The following OTOP3 variants were observed in gnomAD, a reference collection of about 807,000 sequenced individuals.
The protein encoded by OTOP3 is proton channel OTOP3.
In OTOP3, 41 loss-of-function variants were observed where a neutral mutation model predicts 50.8. The ratio of observed to expected loss-of-function variants is 0.81; its 90% CI spans 0.63 to 1.05. The LOEUF (loss-of-function observed/expected upper bound fraction) is 1.05. OTOP3 is among the 50% of genes least tolerant of loss of function. The probability of loss-of-function intolerance (pLI) is 0.00; values close to 1 mark genes in which losing one functional copy is unlikely to be tolerated. For synonymous variants in OTOP3, 320 were observed against 324.4 expected, an observed-to-expected ratio of 0.99 and a Z score of 0.14; for missense variants, 788 against 760.8, an observed-to-expected ratio of 1.04 and a Z score of -0.42.
chr17:74,946,102 C>T (rs914826114), intron 5 of OTOP3, among the ~76,000 whole-genome samples: 3 of 152,132 alleles, frequency 2.0e-5, no homozygotes, highest in Admixed American at 6.5e-5. Flanking sequence ...CTCAGCCTCC[C>T]GAGTAGCTGG....
rs753270342 is a variant in OTOP3 at position 74,942,025 on chromosome 17, C to A, written c.561C>A (p.Phe187Leu). 6.2e-7 allele frequency: 1 copy of A among 1,609,908 alleles called. No homozygotes were observed. Among genetic ancestry groups the A allele is most frequent in the Non-Finnish European group, 8.5e-7 (1 of 1,177,486 alleles). ...TCTTCTCTGTCATCGAGATGGTCTT[C>A]ATCGGCGTCCAGGTGACAGGCTTCT... ...DLVFSVIEMV[F>L]IGVQTWVLWK... is the part of the protein sequence containing the mutation. Residue 187 changes from phenylalanine to leucine, a missense_variant, in exon 3 of 7, where the codon TTC becomes TTA. Physicochemically the swap from Phe to Leu is conservative, Grantham distance 22. Coordinates refer to ENST00000328801, the MANE Select transcript of OTOP3 (RefSeq NM_001272005.2).
intron 6 of OTOP3, among the ~76,000 whole-genome samples, chr17:74,947,922 C>T (rs1000985564): frequency 2.0e-5 from 3 of 152,186 alleles, no homozygotes; most frequent in African/African-American, 7.2e-5. Flanking sequence ...CTATTGCTGT[C>T]CCTTTTCACA....
At chr17:74,937,888 G>C (rs2039134327) in intron 1 of OTOP3, among the ~76,000 whole-genome samples, 1 of 152,182 alleles carries the variant, frequency 6.6e-6, no homozygotes, top group Admixed American at 6.5e-5. Context: ...GGCTTAGGCA[G>C]AGAGGAAGGC....
At chr17:74,939,471 G>A (rs935737291) in intron 1 of OTOP3, among the ~76,000 whole-genome samples, 2 of 152,242 alleles carry the variant, frequency 1.3e-5, no homozygotes, top group Admixed American at 6.5e-5. Context: ...CTCCCCACCA[G>A]GAGAGCACCC....
chr17:74,936,965 T>TTTTTA, intron 1 of OTOP3, among the ~76,000 whole-genome samples: 1 of 134,052 alleles, frequency 7.5e-6, no homozygotes, highest in Non-Finnish European at 1.6e-5. Context: ...CCCACCCTTT[T>TTTTTA]TTTTTTTTTT....
chr17:74,937,633 T>C (rs938549973), intron 1 of OTOP3, among the ~76,000 whole-genome samples: 12 of 151,754 alleles, frequency 7.9e-5, no homozygotes, highest in Non-Finnish European at 1.6e-4. Flanking sequence ...CGGAAAGAGT[T>C]TAATGGGAAG....
chr17:74,936,028 C>A, intron 1 of OTOP3, 88 bp downstream of exon 1: 1 of 1,515,326 alleles, frequency 6.6e-7, no homozygotes, highest in Non-Finnish European at 8.9e-7. Flanking sequence ...GGGGGGTTCA[C>A]AAGTAGGGGC....
At position 74,941,757 on chromosome 17, in the gene OTOP3, A is replaced by G. The variant is rs1485975628; in HGVS notation, c.384A>G (p.Arg128=). ...ACTATGTGGCAAGCACCACCCGCCGACCACACGCCGTGCTCTACCAAGATC... is the reference window on the plus strand; with the variant it reads ...ACTATGTGGCAAGCACCACCCGCCGGCCACACGCCGTGCTCTACCAAGATC... ...LLYYVASTTR[R]PHAVLYQDPH... Residue 128 remains arginine, a synonymous_variant, in exon 2 of 7, where the codon CGA becomes CGG. Transcript: ENST00000328801. The G allele has an allele frequency of 1.2e-6, 2 of 1,611,994 alleles. No individual in the cohort carries two copies. Among genetic ancestry groups the G allele is most frequent in the Admixed American group, 1.7e-5 (1 of 59,880 alleles).
chr17:74,940,015 C>T (rs2039154932), intron 1 of OTOP3, among the ~76,000 whole-genome samples: 1 of 151,630 alleles, frequency 6.6e-6, no homozygotes, highest in Non-Finnish European at 1.5e-5. Flanking sequence ...CTCAAGCCAT[C>T]CTCCTGCCTC....
chr17:74,943,591 T>C lies in OTOP3; in HGVS notation c.633-15T>C, dbSNP rs1178149697. ...CCGGCCAGGGTGTGTGAGAAGAGTG[T>C]GGCATTTCCCCCAGGTGTGGCCTGA... On this transcript the variant is annotated splice_polypyrimidine_tract_variant and intron_variant, in intron 4 of 6. Coordinates refer to ENST00000328801, the MANE Select transcript of OTOP3 (RefSeq NM_001272005.2). 2 of 1,612,190 alleles carry C rather than the reference T, an allele frequency of 1.2e-6. No individual in the cohort carries two copies. Among genetic ancestry groups the C allele is most frequent in the Non-Finnish European group, 8.5e-7 (1 of 1,178,546 alleles).
chr17:74,949,902 A>G lies in OTOP3; in HGVS notation c.*486A>G, dbSNP rs2039268051. 1 of 154,770 alleles carries G rather than the reference A, an allele frequency of 6.5e-6. No individual in the cohort carries two copies. The highest frequency in any genetic ancestry group is 1.4e-5 in the Non-Finnish European group (1 of 69,986). 9.6% of individuals were successfully genotyped at this position (154,770 alleles called of 1,614,324 possible). On this transcript the variant is annotated 3_prime_UTR_variant, in exon 7 of 7. Transcript: ENST00000328801. Reference sequence around the variant, plus strand: ...AGGAGGCCAGCTCCTCTCCCCACACACCTGTCTCCTAATGAGCTCATTCAT... The same window carrying G: ...AGGAGGCCAGCTCCTCTCCCCACACGCCTGTCTCCTAATGAGCTCATTCAT...
intron 5 of OTOP3, among the ~76,000 whole-genome samples, chr17:74,944,600 T>C (rs2039208249): frequency 6.6e-6 from 1 of 152,040 alleles, no homozygotes; most frequent in Non-Finnish European, 1.5e-5. Flanking sequence ...CTACTAAAAA[T>C]ACAAAAATTA....
intron 5 of OTOP3, among the ~76,000 whole-genome samples, chr17:74,946,000 T>C (rs1386432479): frequency 2.0e-5 from 3 of 150,770 alleles, no homozygotes; most frequent in African/African-American, 7.4e-5. Context: ...TTTTTTGAGA[T>C]GGAGTTTTGC....
intron 5 of OTOP3, among the ~76,000 whole-genome samples, chr17:74,946,437 G>A (rs16967448): frequency 0.018 from 2,672 of 152,308 alleles, 86 homozygotes; most frequent in African/African-American, 0.061. Context: ...AATGCTTTAC[G>A]TAAGTTTGGC....
chr17:74,947,292 G>C lies in OTOP3; in HGVS notation c.1383G>C (p.Glu461Asp). 6.2e-7 allele frequency: 1 copy of C among 1,613,496 alleles called. No individual in the cohort carries two copies. Among genetic ancestry groups the C allele is most frequent in the East Asian group, 2.2e-5 (1 of 44,880 alleles). Residue 461 changes from glutamate (E) to aspartate (D), a missense_variant, in exon 6 of 7, where the codon GAG (glutamate) becomes GAC (aspartate). Glu to Asp is a conservative substitution (Grantham distance 45, BLOSUM62 2). Transcript: ENST00000328801. ...GCCTGCACCGGCGCCCACTCTGGGA[G>C]ACAGTTCCCGAGGGCCTGGCAGGAA... ...IEGLHRRPLW[E>D]TVPEGLAGKQ...
rs905275684 is a variant in OTOP3, at chr17:74,942,528, G to T, written c.573+491G>T. Among the ~76,000 whole-genome samples, 9 of 152,096 alleles carry T rather than the reference G, an allele frequency of 5.9e-5. 1 individual carries two copies. Among genetic ancestry groups the T allele is most frequent in the Admixed American group, 5.2e-4 (8 of 15,278 alleles). ...CGCCTGTAGTCCCAGCTACTCGGGA[G>T]GCTGAGGCACAAGAATCGCTTGAAC... On this transcript the variant is annotated intron_variant, in intron 3 of 6. Transcript: ENST00000328801.
intron 1 of OTOP3, among the ~76,000 whole-genome samples, chr17:74,941,039 C>G (rs933544586): frequency 5.9e-5 from 9 of 152,174 alleles, no homozygotes; most frequent in Admixed American, 5.2e-4. Context: ...GCTGCCTTTT[C>G]ATGGCAAAAA....
chr17:74,941,517 G>C lies in OTOP3; in HGVS notation c.144G>C (p.Lys48Asn), dbSNP rs1272106822. 6.2e-7 allele frequency: 1 copy of C among 1,613,858 alleles called. No individual in the cohort carries two copies. The highest frequency in any genetic ancestry group is 8.5e-7 in the Non-Finnish European group (1 of 1,179,824). The change falls in exon 2 of 7, where the codon AAG becomes AAC. Residue 48 changes from lysine (K) to asparagine (N), a missense_variant. Physicochemically the swap from Lys to Asn is moderately conservative, Grantham distance 94. Transcript: ENST00000328801. ...CGGCCGCCACCCGGCCCCGGCAGAA[G>C]TCCTGGCTGGTGAGGCATTTCTCTC... Reference protein sequence around the residue: ...ERAAATRPRQKSWLVRHFSLL... With the variant: ...ERAAATRPRQNSWLVRHFSLL...
rs1297519301 is a variant in OTOP3, at chr17:74,943,292, G to C, written c.580G>C (p.Val194Leu). Residue 194 changes from valine (V) to leucine (L), a missense_variant, in exon 4 of 7, where the codon GTG becomes CTG. By Grantham distance (32) the Val-to-Leu change is conservative. Transcript: ENST00000328801. ...AAGGCCCTGTCTCTTTCAGACCTGGGTGCTCTGGAAACACTGCAAAGACTG... is the reference window on the plus strand; with the variant it reads ...AAGGCCCTGTCTCTTTCAGACCTGGCTGCTCTGGAAACACTGCAAAGACTG... ...EMVFIGVQTWVLWKHCKDCVR... is the reference protein window; with the variant it reads ...EMVFIGVQTWLLWKHCKDCVR... 1.2e-6 allele frequency: 2 copies of C among 1,614,086 alleles called. No individual in the cohort carries two copies. Among genetic ancestry groups the C allele is most frequent in the African/African-American group, 2.7e-5 (2 of 74,926 alleles).
Sources: allele counts gnomAD v4.1 joint callset (sites outside exome capture counted in the v4.1 genomes callset), GRCh38; gene constraint gnomAD v4.1.1; transcripts MANE v1.5; gene names NCBI Gene and HGNC (gene_info 2026-07-23, HGNC 2026-07-21).